The following UFM1 variants were observed in gnomAD, a reference collection of about 807,000 sequenced individuals.
UFM1 encodes the protein ubiquitin fold modifier 1.
Under a neutral mutation model 15.4 loss-of-function variants are expected in UFM1, and 9 were observed. The ratio of observed to expected loss-of-function variants is 0.59; its 90% CI spans 0.35 to 1.02. The LOEUF is 1.02. Among genes scored for constraint, UFM1 ranks in the 50% least tolerant of loss-of-function variants. The pLI, the probability that UFM1 is intolerant of heterozygous loss-of-function variation, is 0.02. For missense variants in UFM1, 98 were observed against 104.7 expected (o/e 0.94, Z 0.28); for synonymous variants, 27 against 36.3 (o/e 0.74, Z 0.92).
intron 2 of UFM1, 74 bp from the exon 3 acceptor site, chr13:38,354,165 G>A: frequency 2.1e-6 from 3 of 1,451,558 alleles, no homozygotes; most frequent in Non-Finnish European, 2.9e-6. Flanking sequence ...CTACAGTAGT[G>A]GAAATAAGGA....
intron 2 of UFM1, among the ~76,000 whole-genome samples, chr13:38,351,532 G>GA (rs1346352433): frequency 2.6e-5 from 4 of 152,082 alleles, no homozygotes; most frequent in African/African-American, 9.7e-5. Context: ...TGTTAGAATG[G>GA]AAAAAATGAC....
At chr13:38,359,803 T>C (rs1879287812) in intron 5 of UFM1, 1 of 165,420 alleles carries the variant, frequency 6.0e-6, no homozygotes, top group African/African-American at 2.4e-5. Context: ...TTTATACAGG[T>C]GATATATTGG....
At chr13:38,358,658 G>A (rs1440561607) in intron 4 of UFM1, among the ~76,000 whole-genome samples, 1 of 151,944 alleles carries the variant, frequency 6.6e-6, no homozygotes, top group Non-Finnish European at 1.5e-5. Context: ...AAGATTGCAG[G>A]GAGGGCTTAA....
chr13:38,350,749 A>G (rs1330959), intron 2 of UFM1, among the ~76,000 whole-genome samples: 3,996 of 152,286 alleles, frequency 0.026, 192 homozygotes, highest in African/African-American at 0.092. Flanking sequence ...GAAATGTAGC[A>G]AAGAACAGGA....
chr13:38,351,510 A>G (rs1878847243), intron 2 of UFM1, among the ~76,000 whole-genome samples: 1 of 152,210 alleles, frequency 6.6e-6, no homozygotes, highest in Non-Finnish European at 1.5e-5. Flanking sequence ...TAAATCCGTT[A>G]ATTTCCCATC....
intron 2 of UFM1, among the ~76,000 whole-genome samples, chr13:38,350,883 C>T (rs1206181277): frequency 1.3e-5 from 2 of 152,178 alleles, no homozygotes; most frequent in Non-Finnish European, 2.9e-5. Flanking sequence ...TTGATCTTTT[C>T]ATCTCCAAAA....
At chr13:38,357,639 T>C (rs547736717) in intron 3 of UFM1, among the ~76,000 whole-genome samples, 32 of 152,046 alleles carry the variant, frequency 2.1e-4, no homozygotes, top group African/African-American at 7.5e-4. Context: ...TCAAAAACTT[T>C]ACTAATAGCC....
intron 5 of UFM1, among the ~76,000 whole-genome samples, chr13:38,360,231 A>G (rs1356328825): frequency 2.0e-5 from 3 of 151,970 alleles, no homozygotes; most frequent in South Asian, 2.1e-4. Context: ...GAAACTTTCA[A>G]TATTTTACAG....
intron 4 of UFM1, among the ~76,000 whole-genome samples, chr13:38,358,544 G>T (rs2485785): frequency 0.84 from 127,454 of 151,852 alleles, 56,820 homozygotes; most frequent in East Asian, 0.99. Context: ...ATTTTATTCC[G>T]TTTTAGGTAT....
In UFM1 at chr13:38,363,122, T is replaced by A. The variant is rs1044116790; in HGVS notation, c.*2344T>A. 4 of 152,110 alleles carry A rather than the reference T, an allele frequency of 2.6e-5. No homozygotes were observed. The highest frequency in any genetic ancestry group is 9.7e-5 in the African/African-American group (4 of 41,406). 9.4% of individuals were successfully genotyped at this position (152,110 alleles called of 1,614,324 possible). ...GATTAATGACCATAAGTCAGAGAAA[T>A]TAGTTTATAGTCATCTGCCACAGAC... is the stretch of plus-strand genomic sequence containing the variant. On this transcript the variant is annotated 3_prime_UTR_variant, in exon 6 of 6. Coordinates refer to ENST00000239878, the MANE Select transcript of UFM1 (RefSeq NM_016617.4).
At chr13:38,359,536 A>G (rs1344222578) in intron 5 of UFM1, 1 of 455,104 alleles carries the variant, frequency 2.2e-6, no homozygotes, top group African/African-American at 2.0e-5. Context: ...TTTGGCTACA[A>G]GTAACAGAAA....
rs1363534766 is a variant in UFM1 at position 38,362,986 on chromosome 13, ATGT to A, written c.*2213_*2215del. 3.7e-4 allele frequency: 57 copies of A among 152,330 alleles called. 1 individual carries two copies. Among genetic ancestry groups the A allele is most frequent in the Admixed American group, 3.3e-3 (50 of 15,302 alleles). The allele number at this position is 152,330 out of a possible 1,614,324, so 9.4% of individuals were successfully genotyped here. On this transcript the variant is annotated 3_prime_UTR_variant, in exon 6 of 6. Transcript: ENST00000239878. ...TATAATTAATATCTAATGAAAATACATGTTGTTATATTGTAAACCATATTGTCT... is the reference window on the plus strand; with the variant it reads ...TATAATTAATATCTAATGAAAATACATGTTATATTGTAAACCATATTGTCT...
rs372332545 is a variant in UFM1 at position 38,362,835 on chromosome 13, C to T, written c.*2057C>T. The T allele has an allele frequency of 1.6e-4, 25 of 152,148 alleles. No individual in the cohort carries two copies. The highest frequency in any genetic ancestry group is 5.5e-4 in the African/African-American group (23 of 41,500). The allele number at this position is 152,148 out of a possible 1,614,324, so 9.4% of individuals were successfully genotyped here. The stretch of plus-strand genomic sequence containing the variant: ...AATATTTTTATTCTTTGGTTTTGAA[C>T]ATTGTAAGTTCCTAAAAACATTTTA... On this transcript the variant is annotated 3_prime_UTR_variant, in exon 6 of 6. Transcript: ENST00000239878.
intron 2 of UFM1, among the ~76,000 whole-genome samples, chr13:38,353,863 T>G (rs1269982755): frequency 6.6e-6 from 1 of 152,120 alleles, no homozygotes; most frequent in African/African-American, 2.4e-5. Context: ...CATAGATATT[T>G]AGATGGGAGG....
chr13:38,358,943 A>C (rs1165752964), intron 4 of UFM1, among the ~76,000 whole-genome samples: 1 of 152,052 alleles, frequency 6.6e-6, no homozygotes, highest in Non-Finnish European at 1.5e-5. Context: ...CTAGAACAAT[A>C]CGAAGATGAT....
At chr13:38,357,097 G>A (rs1435893186) in intron 3 of UFM1, among the ~76,000 whole-genome samples, 2 of 151,772 alleles carry the variant, frequency 1.3e-5, no homozygotes, top group Non-Finnish European at 3.0e-5. Context: ...TCACTTAATT[G>A]TCTAGGTAAC....
chr13:38,360,652 G>T, intron 5 of UFM1, 59 bp from the exon 6 acceptor site: 1 of 1,270,116 alleles, frequency 7.9e-7, no homozygotes, highest in Non-Finnish European at 1.1e-6. Context: ...ATAATTGTCA[G>T]AATATTAAGA....
At chr13:38,352,107 T>C (rs1352134341) in intron 2 of UFM1, among the ~76,000 whole-genome samples, 48 of 149,190 alleles carry the variant, frequency 3.2e-4, no homozygotes, top group Non-Finnish European at 4.6e-4. Context: ...TCTTTCTTTT[T>C]TTTTTTTTTT....
At chr13:38,358,037 T>TTGTG in intron 3 of UFM1, 56 bp from the exon 4 acceptor site, 1 of 489,832 alleles carries the variant, frequency 2.0e-6, no homozygotes. Flanking sequence ...TCTTATAGTT[T>TTGTG]TGTGTGTGTG....
Sources: gnomAD v4.1 joint callset for allele counts (sites outside exome capture counted in the v4.1 genomes callset) on GRCh38, gnomAD v4.1.1 for gene constraint, MANE v1.5 for transcripts, NCBI Gene and HGNC (gene_info 2026-07-23, HGNC 2026-07-21) for gene names.